Variants in B3GALT1 observed in about 807,000 individuals in gnomAD.
B3GALT1 encodes beta-1,3-galactosyltransferase 1.
B3GALT1 carries 10 observed loss-of-function variants against 23.2 expected under a neutral mutation model. The observed-to-expected ratio is 0.43, with a 90% confidence interval of 0.27 to 0.73. B3GALT1 has a LOEUF of 0.73. Ranked by LOEUF, B3GALT1 falls within the 30% of genes least tolerant of loss-of-function variation. The pLI is 0.21. For synonymous variants in B3GALT1, 156 were observed against 141.5 expected, an observed-to-expected ratio of 1.10 and a Z score of -0.73; for missense variants, 299 against 405.4, an observed-to-expected ratio of 0.74 and a Z score of 2.25.
chr2:167,753,691 A>G (rs1687773511), intron 3 of B3GALT1, among the ~76,000 whole-genome samples: 1 of 152,140 alleles, frequency 6.6e-6, no homozygotes, highest in Admixed American at 6.5e-5. Context: ...TTTTAATTGC[A>G]CAAAATTTGC....
intron 1 of B3GALT1, among the ~76,000 whole-genome samples, chr2:167,387,277 G>A (rs1443349053): frequency 6.6e-6 from 1 of 152,042 alleles, no homozygotes; most frequent in Non-Finnish European, 1.5e-5. Flanking sequence ...TTTTATTATT[G>A]CATTAAAGAA....
chr2:167,602,971 G>A (rs1343096518), intron 2 of B3GALT1, among the ~76,000 whole-genome samples: 1 of 152,118 alleles, frequency 6.6e-6, no homozygotes, highest in Non-Finnish European at 1.5e-5. Context: ...ATCCACATGA[G>A]TGAAGCCACC....
intron 2 of B3GALT1, among the ~76,000 whole-genome samples, chr2:167,544,630 CA>C (rs1407527909): frequency 6.6e-6 from 1 of 152,096 alleles, no homozygotes; most frequent in Non-Finnish European, 1.5e-5. Context: ...GCGTTAACCA[CA>C]AGGATGCAGC....
At chr2:167,676,957 T>C (rs187614767) in intron 3 of B3GALT1, among the ~76,000 whole-genome samples, 1 of 152,340 alleles carries the variant, frequency 6.6e-6, no homozygotes, top group African/African-American at 2.4e-5. Flanking sequence ...TTTGGTCCTG[T>C]TTCTTCCTTG....
At chr2:167,539,731 G>A (rs1683503615) in intron 2 of B3GALT1, among the ~76,000 whole-genome samples, 1 of 151,892 alleles carries the variant, frequency 6.6e-6, no homozygotes, top group Non-Finnish European at 1.5e-5. Flanking sequence ...AGCTTTATTT[G>A]AGGTTATTAG....
At chr2:167,652,030 G>C (rs962912845) in intron 3 of B3GALT1, among the ~76,000 whole-genome samples, 10 of 152,040 alleles carry the variant, frequency 6.6e-5, no homozygotes, top group Non-Finnish European at 1.0e-4. Context: ...AAGACTGCAG[G>C]GTCAACCAAA....
chr2:167,344,589 G>A (rs1697199466), intron 1 of B3GALT1, among the ~76,000 whole-genome samples: 1 of 152,096 alleles, frequency 6.6e-6, no homozygotes, highest in African/African-American at 2.4e-5. Flanking sequence ...TTGTTCTCAT[G>A]GATAATAAAA....
intron 1 of B3GALT1, among the ~76,000 whole-genome samples, chr2:167,361,360 A>G (rs1697497150): frequency 6.6e-6 from 1 of 152,208 alleles, no homozygotes; most frequent in Middle Eastern, 3.4e-3. Context: ...GACCAGTCGT[A>G]TCGTAAGAAT....
chr2:167,722,795 G>A (rs1210580661), intron 3 of B3GALT1, among the ~76,000 whole-genome samples: 1 of 152,170 alleles, frequency 6.6e-6, no homozygotes, highest in Non-Finnish European at 1.5e-5. Flanking sequence ...TAAATCAAGT[G>A]ACATGAATTT....
intron 1 of B3GALT1, among the ~76,000 whole-genome samples, chr2:167,386,949 G>A (rs888973873): frequency 6.6e-6 from 1 of 152,190 alleles, no homozygotes; most frequent in Non-Finnish European, 1.5e-5. Flanking sequence ...TCTGCCGCTT[G>A]AGTGACTCCT....
intron 2 of B3GALT1, chr2:167,558,268 G>A (rs1031572106): frequency 6.6e-6 from 1 of 152,154 alleles, no homozygotes; most frequent in African/African-American, 2.4e-5. Flanking sequence ...GAAAAATCAA[G>A]TTTACAACAG....
intron 1 of B3GALT1, among the ~76,000 whole-genome samples, chr2:167,353,173 C>T (rs1208668183): frequency 6.6e-6 from 1 of 152,164 alleles, no homozygotes; most frequent in Non-Finnish European, 1.5e-5. Flanking sequence ...ATAGTTCCTC[C>T]TCTTTTATTT....
At chr2:167,399,071 T>C (rs1016452155) in intron 1 of B3GALT1, among the ~76,000 whole-genome samples, 1 of 152,168 alleles carries the variant, frequency 6.6e-6, no homozygotes, top group Non-Finnish European at 1.5e-5. Flanking sequence ...AGAAACATTT[T>C]TACAGCCATT....
intron 1 of B3GALT1, among the ~76,000 whole-genome samples, 173 bp from the exon 2 acceptor site, chr2:167,490,004 C>A (rs544401816): frequency 6.6e-6 from 1 of 152,144 alleles, no homozygotes; most frequent in South Asian, 2.1e-4. Flanking sequence ...GAGAAAATTC[C>A]TTTTCAAATT....
intron 2 of B3GALT1, among the ~76,000 whole-genome samples, chr2:167,507,466 A>C (rs1193555842): frequency 7.0e-6 from 1 of 142,468 alleles, no homozygotes; most frequent in African/African-American, 2.6e-5. Flanking sequence ...AGATCGCGCC[A>C]CTGCACTCCA....
chr2:167,726,032 C>G (rs1414966192), intron 3 of B3GALT1, among the ~76,000 whole-genome samples: 1 of 152,116 alleles, frequency 6.6e-6, no homozygotes, highest in Non-Finnish European at 1.5e-5. Context: ...GATCTTGGGC[C>G]TTTAAGACAG....
At chr2:167,584,569 C>T (rs184898409) in intron 2 of B3GALT1, among the ~76,000 whole-genome samples, 21 of 152,298 alleles carry the variant, frequency 1.4e-4, no homozygotes, top group South Asian at 8.3e-4. Flanking sequence ...TCAGTTCCCA[C>T]AGGTTGGGAG....
At chr2:167,383,722 G>A (rs557108355) in intron 1 of B3GALT1, among the ~76,000 whole-genome samples, 2 of 152,204 alleles carry the variant, frequency 1.3e-5, no homozygotes, top group African/African-American at 4.8e-5. Flanking sequence ...ACTTAGTCTG[G>A]CTGGTATAAC....
chr2:167,648,560 A>G (rs1236231603), intron 3 of B3GALT1, among the ~76,000 whole-genome samples: 1 of 152,154 alleles, frequency 6.6e-6, no homozygotes, highest in African/African-American at 2.4e-5. Context: ...ACTAATGTAT[A>G]GATTTCTCTT....
Sources: allele counts gnomAD v4.1 joint callset (sites outside exome capture counted in the v4.1 genomes callset), GRCh38; gene constraint gnomAD v4.1.1; transcripts MANE v1.5; gene names NCBI Gene and HGNC (gene_info 2026-07-23, HGNC 2026-07-21).